Variants in SMG6 observed in about 807,000 individuals in gnomAD.
SMG6 encodes SMG6 nonsense mediated mRNA decay factor.
Under a neutral mutation model 142.2 loss-of-function variants are expected in SMG6, and 66 were observed. The observed-to-expected ratio is 0.46, with a 90% CI of 0.38 to 0.57. SMG6 has a LOEUF of 0.57. Among genes scored for constraint, SMG6 ranks in the 20% least tolerant of loss-of-function variants. The pLI is 0.00. For synonymous variants in SMG6, 779 were observed against 702.4 expected (o/e 1.11, Z -1.72); for missense variants, 1,793 against 1,832.0 (o/e 0.98, Z 0.39).
At chr17:2,139,404 T>C (rs1034419140) in intron 13 of SMG6, among the ~76,000 whole-genome samples, 5 of 150,604 alleles carry the variant, frequency 3.3e-5, no homozygotes, top group Non-Finnish European at 5.9e-5. Context: ...GTGAAACTTA[T>C]GGAAAAGTGC....
intron 10 of SMG6, among the ~76,000 whole-genome samples, chr17:2,201,456 G>A (rs1259040489): frequency 2.0e-5 from 3 of 152,154 alleles, no homozygotes; most frequent in Non-Finnish European, 4.4e-5. Flanking sequence ...CACTTTAGAA[G>A]GCTGAGGTGT....
At chr17:2,114,985 A>G (rs1341038981) in intron 13 of SMG6, among the ~76,000 whole-genome samples, 94 of 140,980 alleles carry the variant, frequency 6.7e-4, no homozygotes, top group African/African-American at 1.6e-3. Context: ...AAAATAAAAT[A>G]AAATAAAATA....
At chr17:2,256,951 GGTAT>G (rs66868460) in intron 8 of SMG6, among the ~76,000 whole-genome samples, 100 of 151,332 alleles carry the variant, frequency 6.6e-4, no homozygotes, top group African/African-American at 2.3e-3. Context: ...CCCAGACAAA[GGTAT>G]GTATGTATGT....
At position 2,099,175 on chromosome 17, in the gene SMG6, G is replaced by A. The variant is rs555032275; in HGVS notation, c.3358-13274C>T. On this transcript the variant is annotated intron_variant, in intron 13 of 18. Coordinates refer to ENST00000263073, the MANE Select transcript of SMG6 (RefSeq NM_017575.5). Reference sequence around the variant, plus strand: ...TCAGGACAATCCCAGAGGACATCACGGAGGTGGTGCGGCCATACTGCCTAT... The same window carrying A: ...TCAGGACAATCCCAGAGGACATCACAGAGGTGGTGCGGCCATACTGCCTAT... Among the ~76,000 whole-genome samples, 4 of 152,226 alleles carry A rather than the reference G, an allele frequency of 2.6e-5. No individual in the cohort carries two copies. In the South Asian group the frequency reaches 6.2e-4, roughly 24 times the overall value.
chr17:2,242,689 TAAAAAAAAAAAAAA>T (rs57079220), intron 9 of SMG6, among the ~76,000 whole-genome samples: 7 of 55,854 alleles, frequency 1.3e-4, no homozygotes, highest in South Asian at 8.3e-4. Context: ...TCCATCTCTT[TAAAAAAAAAAAAAA>T]AAAAAAAAAA....
intron 10 of SMG6, among the ~76,000 whole-genome samples, chr17:2,219,286 G>A (rs142146973): frequency 0.019 from 2,905 of 152,282 alleles, 56 homozygotes; most frequent in South Asian, 0.065. Context: ...ATCGGAGGCT[G>A]AGGCAGGAGA....
chr17:2,172,886 C>T (rs1466999888), intron 12 of SMG6, 27 bp from the exon 13 acceptor site: 1 of 1,608,358 alleles, frequency 6.2e-7, no homozygotes, highest in Admixed American at 1.7e-5. Context: ...AAGAAAAGAG[C>T]AGCTCTAAAG....
chr17:2,261,549 T>G (rs2074314458), intron 8 of SMG6, among the ~76,000 whole-genome samples: 2 of 152,238 alleles, frequency 1.3e-5, no homozygotes, highest in Admixed American at 1.3e-4. Flanking sequence ...AAATACCCTT[T>G]GCCCCATATG....
chr17:2,115,530 A>C (rs1226462949), intron 13 of SMG6, among the ~76,000 whole-genome samples: 2 of 152,200 alleles, frequency 1.3e-5, no homozygotes, highest in Non-Finnish European at 2.9e-5. Flanking sequence ...ACAGTATAGA[A>C]ATAGACCCAA....
At chr17:2,116,830 T>C (rs2069521191) in intron 13 of SMG6, among the ~76,000 whole-genome samples, 2 of 148,144 alleles carry the variant, frequency 1.4e-5, no homozygotes, top group African/African-American at 2.5e-5. Flanking sequence ...GGACTTATAT[T>C]CAGAATACTG....
At chr17:2,156,153 G>T (rs2070995772) in intron 13 of SMG6, among the ~76,000 whole-genome samples, 1 of 150,840 alleles carries the variant, frequency 6.6e-6, no homozygotes, top group African/African-American at 2.4e-5. Flanking sequence ...ACTTCGGGAA[G>T]CTGAGGTGGG....
intron 16 of SMG6, among the ~76,000 whole-genome samples, chr17:2,067,458 C>T (rs2067984188): frequency 6.6e-6 from 1 of 152,188 alleles, no homozygotes; most frequent in South Asian, 2.1e-4. Context: ...CACTTTCTTT[C>T]CCCTGAAAAG....
chr17:2,071,257 C>T lies in SMG6; in HGVS notation c.3682-2326G>A, dbSNP rs1240040595. On this transcript the variant is annotated intron_variant, in intron 15 of 18. Coordinates refer to ENST00000263073, the MANE Select transcript of SMG6 (RefSeq NM_017575.5). This position sits in a 1 kb window ranked among gnomAD's most constrained non-coding sequence, Gnocchi z 5.6. The stretch of plus-strand genomic sequence containing the variant: ...TGGTCTGACTCTATCAAGGAAGTGG[C>T]TGCCATTTTTTTTTTTACCCTATGT... Among the ~76,000 whole-genome samples, 1 of 152,146 alleles carries T rather than the reference C, an allele frequency of 6.6e-6. No homozygotes were observed. The highest frequency in any genetic ancestry group is 1.9e-4 in the East Asian group (1 of 5,196).
chr17:2,223,501 C>G (rs2073235120), intron 10 of SMG6, among the ~76,000 whole-genome samples: 1 of 152,130 alleles, frequency 6.6e-6, no homozygotes, highest in Admixed American at 6.5e-5. Context: ...GCACTAAGAA[C>G]AGCAGTAGTC....
chr17:2,255,283 A>G (rs2074141525), intron 8 of SMG6, among the ~76,000 whole-genome samples: 1 of 150,446 alleles, frequency 6.6e-6, no homozygotes, highest in African/African-American at 2.4e-5. Context: ...GGGCGCCTGT[A>G]GTCCCAGCTA....
intron 8 of SMG6, chr17:2,256,185 T>C (rs973652686): frequency 2.7e-5 from 4 of 145,508 alleles, no homozygotes; most frequent in African/African-American, 1.0e-4. Flanking sequence ...ATCAATAAAA[T>C]AAATAAATAA....
intron 8 of SMG6, among the ~76,000 whole-genome samples, chr17:2,274,640 G>A (rs2074609667): frequency 6.6e-6 from 1 of 152,142 alleles, no homozygotes; most frequent in Non-Finnish European, 1.5e-5. Flanking sequence ...ATTCAAAGAG[G>A]CCAAGGAGAA....
chr17:2,080,127 T>C (rs973741829), intron 15 of SMG6, among the ~76,000 whole-genome samples: 5 of 139,342 alleles, frequency 3.6e-5, no homozygotes, highest in African/African-American at 1.4e-4. Context: ...AACAAAAGAA[T>C]GATGGATCTT....
rs538702545 is a variant in SMG6, at chr17:2,159,556, A to G, written c.3357+13102T>C. On this transcript the variant is annotated intron_variant, in intron 13 of 18. Coordinates refer to ENST00000263073, the MANE Select transcript of SMG6 (RefSeq NM_017575.5). ...GTTGGCAAGAATATGAGCAACTAGA[A>G]CGCTCACATATTGCTAGTGGGAGTA... Among the ~76,000 whole-genome samples, 8 of 152,364 alleles carry G rather than the reference A, an allele frequency of 5.3e-5. No homozygotes were observed. In the South Asian group the frequency reaches 1.4e-3, roughly 28 times the overall value.
Sources: gnomAD v4.1 joint callset for allele counts (sites outside exome capture counted in the v4.1 genomes callset) on GRCh38, gnomAD v4.1.1 for gene constraint, Gnocchi (gnomAD v3.1) non-coding constraint, MANE v1.5 for transcripts, NCBI Gene and HGNC (gene_info 2026-07-23, HGNC 2026-07-21) for gene names.